Variants in TMEM87A observed in about 807,000 individuals in gnomAD.
The protein encoded by TMEM87A is transmembrane protein 87A.
TMEM87A carries 50 observed loss-of-function variants against 90.0 expected under a neutral mutation model. The ratio of observed to expected loss-of-function variants is 0.56; its 90% CI spans 0.44 to 0.70. The LOEUF is 0.70. Among genes scored for constraint, TMEM87A ranks in the 30% least tolerant of loss-of-function variants. TMEM87A has a pLI of 0.00. For missense variants in TMEM87A, 577 were observed against 660.5 expected (o/e 0.87, Z 1.39); for synonymous variants, 226 against 226.7 (o/e 1.00, Z 0.03).
At chr15:42,258,762 G>T (rs986986781) in intron 6 of TMEM87A, 9 of 1,423,972 alleles carry the variant, frequency 6.3e-6, no homozygotes, top group African/African-American at 1.4e-5. Flanking sequence ...AATTAACAAA[G>T]ACTGTCATGC....
At chr15:42,241,856 AT>A (rs1380014402) in intron 7 of TMEM87A, among the ~76,000 whole-genome samples, 2 of 152,080 alleles carry the variant, frequency 1.3e-5, no homozygotes, top group African/African-American at 4.8e-5. Flanking sequence ...AGATTTAATA[AT>A]TTAGCAGATA....
At chr15:42,239,411 G>C (rs905671446) in intron 8 of TMEM87A, among the ~76,000 whole-genome samples, 1 of 152,148 alleles carries the variant, frequency 6.6e-6, no homozygotes, top group African/African-American at 2.4e-5. Context: ...ATGCATCCTA[G>C]AGAGAATGTG....
At position 42,216,893 on chromosome 15, in the gene TMEM87A, A is replaced by G. The variant is rs568609681; in HGVS notation, c.1626+910T>C. Among the ~76,000 whole-genome samples, 18 of 152,240 alleles carry G rather than the reference A, an allele frequency of 1.2e-4. No homozygotes were observed. In the South Asian group the frequency reaches 3.1e-3, roughly 26 times the overall value. On this transcript the variant is annotated intron_variant, in intron 19 of 19. Coordinates refer to ENST00000389834, the MANE Select transcript of TMEM87A (RefSeq NM_015497.5). ...AAAACAAACAAACAAAAACTCTAAAATGACCTAATATTCAGAACATATCCA... is the reference window on the plus strand; with the variant it reads ...AAAACAAACAAACAAAAACTCTAAAGTGACCTAATATTCAGAACATATCCA...
At chr15:42,254,914 G>A (rs189039832) in intron 6 of TMEM87A, among the ~76,000 whole-genome samples, 4 of 151,702 alleles carry the variant, frequency 2.6e-5, no homozygotes, top group East Asian at 1.9e-4. Flanking sequence ...GTATGTTGAC[G>A]ATGGGGGAGG....
At chr15:42,245,980 A>G (rs922558248) in intron 6 of TMEM87A, among the ~76,000 whole-genome samples, 5 of 152,242 alleles carry the variant, frequency 3.3e-5, no homozygotes, top group African/African-American at 1.2e-4. Flanking sequence ...TGATGTGCAA[A>G]TATCACCTCT....
chr15:42,256,090 T>A (rs2051178601), intron 6 of TMEM87A, among the ~76,000 whole-genome samples: 1 of 151,816 alleles, frequency 6.6e-6, no homozygotes, highest in South Asian at 2.1e-4. Context: ...CATAAACATA[T>A]ATGTTTAATC....
At chr15:42,243,076 C>T (rs1228216586) in intron 7 of TMEM87A, among the ~76,000 whole-genome samples, 1 of 151,960 alleles carries the variant, frequency 6.6e-6, no homozygotes, top group Admixed American at 6.6e-5. Context: ...ACCATCCTGG[C>T]TAACACGGTG....
chr15:42,239,671 A>G lies in TMEM87A; in HGVS notation c.683T>C (p.Ile228Thr). 6.2e-7 allele frequency: 1 copy of G among 1,613,308 alleles called. No homozygotes were observed. Among genetic ancestry groups the G allele is most frequent in the African/African-American group, 1.3e-5 (1 of 75,036 alleles). Reference sequence around the variant, plus strand: ...GTTAAATAATATAAAGTCACTTACAATCATCAAGGGATAGTCTTCAAGTGT... The same window carrying G: ...GTTAAATAATATAAAGTCACTTACAGTCATCAAGGGATAGTCTTCAAGTGT... ...YLTLEDYPLM[I>T]FFMVMCIVYV... The change falls in exon 8 of 20, where the codon ATT (isoleucine) becomes ACT (threonine). Residue 228 changes from isoleucine to threonine, a missense_variant and splice_region_variant. By Grantham distance (89) the Ile-to-Thr change is moderately conservative. Coordinates refer to ENST00000389834, the MANE Select transcript of TMEM87A (RefSeq NM_015497.5).
chr15:42,217,858 T>G, intron 18 of TMEM87A, 25 bp from the exon 19 acceptor site: 1 of 1,609,294 alleles, frequency 6.2e-7, no homozygotes, highest in African/African-American at 1.3e-5. Context: ...AAATACTAAA[T>G]TGAACAATGT....
chr15:42,212,339 T>A (rs1252712985), intron 19 of TMEM87A, among the ~76,000 whole-genome samples: 13 of 152,216 alleles, frequency 8.5e-5, no homozygotes, highest in Admixed American at 8.5e-4. Flanking sequence ...TTTCTTTTGC[T>A]TCATTTGCGA....
At chr15:42,225,248 T>C (rs2050568446) in intron 15 of TMEM87A, among the ~76,000 whole-genome samples, 1 of 151,794 alleles carries the variant, frequency 6.6e-6, no homozygotes, top group Admixed American at 6.6e-5. Context: ...ACCCTTTTCC[T>C]TCTTTGGTGG....
chr15:42,235,200 G>T (rs1191699143), intron 10 of TMEM87A, among the ~76,000 whole-genome samples: 1 of 152,026 alleles, frequency 6.6e-6, no homozygotes, highest in African/African-American at 2.4e-5. Flanking sequence ...CACCACAGCC[G>T]GCTAATTTTT....
At chr15:42,246,510 T>C (rs376906920) in intron 6 of TMEM87A, among the ~76,000 whole-genome samples, 2 of 152,154 alleles carry the variant, frequency 1.3e-5, no homozygotes, top group South Asian at 2.1e-4. Context: ...GTGTTCTCAT[T>C]GTTCAACTCC....
chr15:42,218,588 T>C (rs1325196191), intron 17 of TMEM87A, among the ~76,000 whole-genome samples: 3 of 152,148 alleles, frequency 2.0e-5, no homozygotes, highest in African/African-American at 7.2e-5. Flanking sequence ...CCATAGCCCC[T>C]GGTAACCAGC....
chr15:42,255,321 T>C (rs1377058341), intron 6 of TMEM87A, among the ~76,000 whole-genome samples: 1 of 152,092 alleles, frequency 6.6e-6, no homozygotes, highest in Non-Finnish European at 1.5e-5. Context: ...TTAGTAGAAA[T>C]GGTTTTCTCC....
chr15:42,236,170 T>C (rs371311918), intron 10 of TMEM87A, 150 bp downstream of exon 10: 7 of 687,382 alleles, frequency 1.0e-5, no homozygotes, highest in Non-Finnish European at 1.8e-5. Flanking sequence ...TCCCAACATT[T>C]ACAATGCTAC....
intron 4 of TMEM87A, among the ~76,000 whole-genome samples, chr15:42,263,144 GTTT>G (rs1387395992): frequency 1.3e-5 from 2 of 152,140 alleles, no homozygotes; most frequent in Non-Finnish European, 2.9e-5. Flanking sequence ...AAAATGTGAC[GTTT>G]TAAATGTCCA....
chr15:42,225,264 G>A (rs1416774469), intron 15 of TMEM87A, among the ~76,000 whole-genome samples: 2 of 150,792 alleles, frequency 1.3e-5, no homozygotes, highest in East Asian at 3.9e-4. Context: ...GGTGGTATGG[G>A]TGTTTAATAT....
intron 8 of TMEM87A, 21 bp from the exon 9 acceptor site, chr15:42,237,636 A>G: frequency 1.9e-6 from 3 of 1,557,088 alleles, no homozygotes; most frequent in Middle Eastern, 1.7e-4. Context: ...ATTGGGTAAA[A>G]GATAAAAAGG....
Sources: gnomAD v4.1 joint callset for allele counts (sites outside exome capture counted in the v4.1 genomes callset) on GRCh38, gnomAD v4.1.1 for gene constraint, MANE v1.5 for transcripts, NCBI Gene and HGNC (gene_info 2026-07-23, HGNC 2026-07-21) for gene names.